The following AFF3 variants were observed in gnomAD, a reference collection of about 807,000 sequenced individuals.
AFF3 encodes AF4/FMR2 family member 3.
In AFF3, 32 loss-of-function variants were observed where a neutral mutation model predicts 129.7. That is an observed-to-expected ratio of 0.25 (90% CI 0.19 to 0.33). The LOEUF (loss-of-function observed/expected upper bound fraction) is 0.33. Among genes scored for constraint, AFF3 ranks in the 10% least tolerant of loss-of-function variants. AFF3 has a pLI of 1.00. For synonymous variants in AFF3, 644 were observed against 635.4 expected, an observed-to-expected ratio of 1.01 and a Z score of -0.20; for missense variants, 1,373 against 1,592.0, an observed-to-expected ratio of 0.86 and a Z score of 2.34.
chr2:99,860,360 T>C (rs963475943), intron 7 of AFF3, among the ~76,000 whole-genome samples: 18 of 152,244 alleles, frequency 1.2e-4, no homozygotes, highest in Admixed American at 7.2e-4. Flanking sequence ...GAGACCATCC[T>C]GGCTAACATG....
chr2:99,681,868 C>T (rs1056588894), intron 11 of AFF3, among the ~76,000 whole-genome samples: 2 of 150,848 alleles, frequency 1.3e-5, no homozygotes, highest in African/African-American at 4.9e-5. Context: ...CTAAGTGAAT[C>T]TTCTATTCAG....
chr2:99,695,882 T>C (rs149883056), intron 11 of AFF3, among the ~76,000 whole-genome samples: 7 of 148,122 alleles, frequency 4.7e-5, no homozygotes, highest in Non-Finnish European at 1.0e-4. Context: ...ACAGGGTCGT[T>C]TTCCCTAGCC....
chr2:99,772,181 G>A (rs1240618715), intron 8 of AFF3, among the ~76,000 whole-genome samples: 10 of 152,168 alleles, frequency 6.6e-5, no homozygotes, highest in Non-Finnish European at 1.5e-4. Flanking sequence ...AAGGAGAGAA[G>A]AGGAAGAAAA....
At chr2:100,140,460 G>A (rs1692812355) in intron 1 of AFF3, among the ~76,000 whole-genome samples, 1 of 152,158 alleles carries the variant, frequency 6.6e-6, no homozygotes, top group African/African-American at 2.4e-5. Context: ...GGTGTGATGG[G>A]TGGGGGATTG....
chr2:99,601,957 G>T (rs1414964240), intron 13 of AFF3, among the ~76,000 whole-genome samples: 1 of 152,164 alleles, frequency 6.6e-6, no homozygotes, highest in African/African-American at 2.4e-5. Context: ...CTTTTCAAAT[G>T]CATCCCCAAA....
At chr2:99,633,878 T>C (rs116365711) in intron 13 of AFF3, among the ~76,000 whole-genome samples, 1 of 151,624 alleles carries the variant, frequency 6.6e-6, no homozygotes, top group Non-Finnish European at 1.5e-5. Flanking sequence ...CCTGCAGAAC[T>C]GTGAGCCAAA....
chr2:99,933,825 G>T (rs574320513), intron 7 of AFF3, among the ~76,000 whole-genome samples: 1 of 152,098 alleles, frequency 6.6e-6, no homozygotes, highest in Non-Finnish European at 1.5e-5. Context: ...TGTGTGAAAG[G>T]CTCTTTCAAA....
At chr2:99,916,035 A>G (rs1033956856) in intron 7 of AFF3, among the ~76,000 whole-genome samples, 3 of 152,334 alleles carry the variant, frequency 2.0e-5, no homozygotes, top group Non-Finnish European at 4.4e-5. Flanking sequence ...GAACCTAAAG[A>G]GACAATCTGA....
intron 4 of AFF3, among the ~76,000 whole-genome samples, chr2:100,052,272 C>T (rs1358917116): frequency 2.6e-5 from 4 of 152,108 alleles, no homozygotes; most frequent in African/African-American, 7.2e-5. Context: ...ATAAAGAATA[C>T]GATTAAGATT....
chr2:99,960,024 G>A (rs1258032860), intron 7 of AFF3, among the ~76,000 whole-genome samples: 1 of 151,980 alleles, frequency 6.6e-6, no homozygotes. Context: ...ACAGTAACTG[G>A]CACAGAGTGT....
At chr2:99,811,148 T>C (rs1686755097) in intron 8 of AFF3, among the ~76,000 whole-genome samples, 2 of 152,204 alleles carry the variant, frequency 1.3e-5, no homozygotes, top group Admixed American at 1.3e-4. Context: ...TGGCTGTAAT[T>C]ATTTATCTAT....
At chr2:99,580,527 G>A (rs1421884085) in intron 17 of AFF3, among the ~76,000 whole-genome samples, 2 of 152,268 alleles carry the variant, frequency 1.3e-5, no homozygotes, top group Middle Eastern at 3.4e-3. Context: ...TGGAGGCCAG[G>A]GATGCTGCCA....
At chr2:100,023,729 C>G (rs903846867) in intron 4 of AFF3, among the ~76,000 whole-genome samples, 1 of 152,104 alleles carries the variant, frequency 6.6e-6, no homozygotes, top group Non-Finnish European at 1.5e-5. Context: ...AGAAACCAAT[C>G]CATACATTGT....
At position 99,601,554 on chromosome 2, in the gene AFF3, T is replaced by C. The variant is rs765709265; in HGVS notation, c.1252A>G (p.Ser418Gly). The stretch of plus-strand genomic sequence containing the variant: ...CTGGAGGAGCTGCTGCTGCCGCTGC[T>C]GCTGCTGCTGCTGCTGCCCTTGCTG... ...PSSKGSSSSSSSGSSSSSSDS... is the reference protein window; with the variant it reads ...PSSKGSSSSSGSGSSSSSSDS... Residue 418 changes from serine to glycine, a missense_variant, in exon 14 of 25, where the codon AGC becomes GGC. Ser to Gly is a moderately conservative substitution (Grantham distance 56, BLOSUM62 0). Coordinates refer to ENST00000672756, the MANE Select transcript of AFF3 (RefSeq NM_001386135.1). The C allele has an allele frequency of 6.9e-6, 11 of 1,596,742 alleles. No homozygotes were observed. The African/African-American group carries it at 9.4e-5, about 14-fold the overall frequency.
In AFF3 at chr2:99,556,441, C is replaced by CA. The variant is rs545096704; in HGVS notation, c.3286-1710dup. On this transcript the variant is annotated intron_variant, in intron 22 of 24. Transcript: ENST00000672756. Reference sequence around the variant, plus strand: ...TGGGTGACGGAGCGAGACTCCGTCTCAAAAAAAAACAACAAAAAAAGAAGT... The same window carrying CA: ...TGGGTGACGGAGCGAGACTCCGTCTCAAAAAAAAAACAACAAAAAAAGAAGT... Among the ~76,000 whole-genome samples the CA allele has an allele frequency of 3.6e-3, 538 of 149,568 alleles. 2 individuals carry two copies. The highest frequency in any genetic ancestry group is 5.3e-3 in the South Asian group (25 of 4,702).
At chr2:100,074,021 G>C (rs979901153) in intron 4 of AFF3, among the ~76,000 whole-genome samples, 1 of 152,178 alleles carries the variant, frequency 6.6e-6, no homozygotes, top group Non-Finnish European at 1.5e-5. Context: ...GTCAGAAGGA[G>C]ACTGAGTAGA....
rs755355995 is a variant in AFF3, at chr2:99,593,545, G to C, written c.2116C>G (p.Gln706Glu). The change falls in exon 15 of 25, where the codon CAG becomes GAG. Residue 706 changes from glutamine to glutamate, a missense_variant. Gln to Glu is a conservative substitution (Grantham distance 29). Around this residue, in one of 9 missense-constraint regions of AFF3, gnomAD observed 466 missense variants for 505.0 expected, o/e 0.92. Coordinates refer to ENST00000672756, the MANE Select transcript of AFF3 (RefSeq NM_001386135.1). ...TTGGCAGCGGCCTCCTTCAGCCTCT[G>C]ATCATTCCCGGAGGAGGCAGAGGCA... ...VAASASSGND[Q>E]RLKEAAANGG... 20 of 1,613,202 alleles carry C rather than the reference G, an allele frequency of 1.2e-5. No individual in the cohort carries two copies. In the South Asian group the frequency reaches 2.2e-4, roughly 18 times the overall value.
At chr2:100,128,206 A>G (rs978181783) in intron 2 of AFF3, among the ~76,000 whole-genome samples, 3 of 152,158 alleles carry the variant, frequency 2.0e-5, no homozygotes, top group Admixed American at 1.3e-4. Context: ...TGCTCTGTCT[A>G]TGGAGTAGCC....
At chr2:99,972,947 G>T (rs550398124) in intron 7 of AFF3, among the ~76,000 whole-genome samples, 1 of 152,106 alleles carries the variant, frequency 6.6e-6, no homozygotes, top group African/African-American at 2.4e-5. Context: ...AGCAAAACAG[G>T]CACCTCAACA....
Sources: allele counts gnomAD v4.1 joint callset (sites outside exome capture counted in the v4.1 genomes callset), GRCh38; gene constraint gnomAD v4.1.1; regional missense constraint gnomAD v4.1.1; transcripts MANE v1.5; gene names NCBI Gene and HGNC (gene_info 2026-07-23, HGNC 2026-07-21).